LIMD1: variants seen among roughly 807,000 people sequenced by gnomAD.
LIMD1 encodes LIM domain containing 1.
A neutral mutation model predicts 58.4 loss-of-function variants in LIMD1; 23 were observed. The observed-to-expected ratio is 0.39, with a 90% CI of 0.28 to 0.56. The LOEUF is 0.56. LIMD1 is among the 20% of genes least tolerant of loss of function. The pLI is 0.57. For synonymous variants in LIMD1, 334 were observed against 345.5 expected, an observed-to-expected ratio of 0.97 and a Z score of 0.37; for missense variants, 838 against 855.5, an observed-to-expected ratio of 0.98 and a Z score of 0.25.
chr3:45,646,394 G>T (rs1257670803), intron 2 of LIMD1, among the ~76,000 whole-genome samples: 2 of 152,328 alleles, frequency 1.3e-5, no homozygotes, highest in Admixed American at 6.5e-5. Flanking sequence ...GGATTGTGAT[G>T]AAGTTAGCTG....
intron 2 of LIMD1, among the ~76,000 whole-genome samples, chr3:45,641,046 G>A (rs1701836322): frequency 6.6e-6 from 1 of 152,152 alleles, no homozygotes; most frequent in Non-Finnish European, 1.5e-5. Context: ...TCAGCAGAAG[G>A]AGGCACCCGG....
rs77584451 is a variant in LIMD1, at chr3:45,621,117, T to C, written c.1409-15033T>C. Among the ~76,000 whole-genome samples the C allele has an allele frequency of 1.2e-3, 176 of 152,302 alleles. 1 individual carries two copies. Among genetic ancestry groups the C allele is most frequent in the African/African-American group, 3.9e-3 (162 of 41,566 alleles). The stretch of plus-strand genomic sequence containing the variant: ...TACCAAGGTCAAGAAAGACAAAGAC[T>C]GAGGAGCTGTCCCAGGTTAAAGGAG... On this transcript the variant is annotated intron_variant, in intron 1 of 7. Transcript: ENST00000273317.
intron 2 of LIMD1, among the ~76,000 whole-genome samples, chr3:45,663,605 A>AG (rs1433381050): frequency 1.3e-5 from 2 of 152,178 alleles, no homozygotes; most frequent in Non-Finnish European, 2.9e-5. Context: ...GTTATTCCTA[A>AG]GGTATAACAG....
chr3:45,638,071 G>A (rs1181960720), intron 2 of LIMD1, among the ~76,000 whole-genome samples: 1 of 151,888 alleles, frequency 6.6e-6, no homozygotes, highest in Non-Finnish European at 1.5e-5. Context: ...CTGGTGAGGT[G>A]CAGTTGATGA....
chr3:45,640,388 T>C (rs1254451237), intron 2 of LIMD1, among the ~76,000 whole-genome samples: 1 of 152,148 alleles, frequency 6.6e-6, no homozygotes, highest in African/African-American at 2.4e-5. Flanking sequence ...TTCTCCTGAA[T>C]TTGGTGCACT....
chr3:45,669,449 G>T (rs1189073578), intron 4 of LIMD1, among the ~76,000 whole-genome samples: 1 of 152,110 alleles, frequency 6.6e-6, no homozygotes, highest in Non-Finnish European at 1.5e-5. Flanking sequence ...AACTCATAGA[G>T]TAAAAGATAC....
chr3:45,639,731 C>T (rs1200868610), intron 2 of LIMD1, among the ~76,000 whole-genome samples: 10 of 152,182 alleles, frequency 6.6e-5, no homozygotes, highest in South Asian at 2.1e-4. Context: ...GGCGCAGTCT[C>T]GGCTTACCGC....
intron 2 of LIMD1, among the ~76,000 whole-genome samples, chr3:45,647,097 T>C (rs1387567122): frequency 6.6e-6 from 1 of 152,220 alleles, no homozygotes; most frequent in Non-Finnish European, 1.5e-5. Context: ...GAAAATCACC[T>C]ATAATTCAAT....
At chr3:45,665,175 A>G (rs768964762) in intron 2 of LIMD1, among the ~76,000 whole-genome samples, 1 of 152,026 alleles carries the variant, frequency 6.6e-6, no homozygotes, top group Non-Finnish European at 1.5e-5. Context: ...TGAGAAAAAG[A>G]TAGGAAAATA....
intron 1 of LIMD1, among the ~76,000 whole-genome samples, chr3:45,598,479 G>A (rs1229642603): frequency 6.6e-6 from 1 of 152,156 alleles, no homozygotes; most frequent in African/African-American, 2.4e-5. Flanking sequence ...ATTAGCTGAC[G>A]CTACTCATCC....
intron 6 of LIMD1, 31 bp from the exon 7 acceptor site, chr3:45,674,312 C>T (rs1287894553): frequency 7.5e-6 from 12 of 1,603,842 alleles, no homozygotes; most frequent in Admixed American, 5.0e-5. Flanking sequence ...ACAGGCCTCT[C>T]CTATGTGTTC....
At chr3:45,661,752 T>G (rs985754780) in intron 2 of LIMD1, among the ~76,000 whole-genome samples, 9 of 152,054 alleles carry the variant, frequency 5.9e-5, no homozygotes, top group Non-Finnish European at 7.4e-5. Flanking sequence ...AAGCATAGGG[T>G]TTTTTGTTGT....
At chr3:45,622,755 G>A (rs769573820) in intron 1 of LIMD1, among the ~76,000 whole-genome samples, 5 of 150,296 alleles carry the variant, frequency 3.3e-5, no homozygotes, top group African/African-American at 7.4e-5. Context: ...TGCAACCTCC[G>A]CCTCCCAGGT....
intron 2 of LIMD1, among the ~76,000 whole-genome samples, chr3:45,651,764 C>G (rs1701976192): frequency 6.6e-6 from 1 of 152,006 alleles, no homozygotes; most frequent in Non-Finnish European, 1.5e-5. Context: ...TTCCAAGTAG[C>G]TGGGATTACA....
Position 45,594,800 on chromosome 3 carries a change from C to CACACACACACACACACACGGCACCTGG in LIMD1, c.-62_-61insGGCACCTGGACACACACACACACACAC, listed in dbSNP as rs1559510594. The CACACACACACACACACACGGCACCTGG allele has an allele frequency of 5.8e-5, 9 of 154,258 alleles. No individual in the cohort carries two copies. Among genetic ancestry groups the CACACACACACACACACACGGCACCTGG allele is most frequent in the African/African-American group, 2.8e-4 (7 of 25,180 alleles). 9.6% of individuals were successfully genotyped at this position (154,258 alleles called of 1,614,324 possible). A position where few individuals can be genotyped will look rare whatever the true frequency, so the allele number is the denominator to read the frequency against. ...CTCAACACACACACACACACACACA[C>CACACACACACACACACACGGCACCTGG]ACACACACACACACACACACACACA... On this transcript the variant is annotated 5_prime_UTR_variant, in exon 1 of 8. Coordinates refer to ENST00000273317, the MANE Select transcript of LIMD1 (RefSeq NM_014240.3).
In LIMD1 at chr3:45,595,593, GTCT is replaced by G; in HGVS notation, c.718_720del (p.Ser240del). 1 of 1,614,136 alleles carries G rather than the reference GTCT, an allele frequency of 6.2e-7. No individual in the cohort carries two copies. The highest frequency in any genetic ancestry group is 8.5e-7 in the Non-Finnish European group (1 of 1,180,030). On this transcript the variant is annotated inframe_deletion, in exon 1 of 8. Transcript: ENST00000273317. The stretch of plus-strand genomic sequence containing the variant: ...GACAGCTCTCCCTGAGCTCCAGCAG[GTCT>G]TCTGAGGGTAGCCTCGGTGGTCAGA...
Position 45,594,879 on chromosome 3 carries a change from C to T in LIMD1, c.-1C>T. ...GCTAGGCCCGGACACCTGTCTGCAG[C>T]ATGGATAAGTATGACGACCTGGGCC... On this transcript the variant is annotated 5_prime_UTR_variant, in exon 1 of 8. Coordinates refer to ENST00000273317, the MANE Select transcript of LIMD1 (RefSeq NM_014240.3). The T allele has an allele frequency of 6.2e-7, 1 of 1,601,952 alleles. No homozygotes were observed. Among genetic ancestry groups the T allele is most frequent in the Non-Finnish European group, 8.5e-7 (1 of 1,175,122 alleles).
At chr3:45,629,393 A>G (rs1701704281) in intron 1 of LIMD1, among the ~76,000 whole-genome samples, 1 of 147,496 alleles carries the variant, frequency 6.8e-6, no homozygotes, top group South Asian at 2.2e-4. Context: ...AGCCTGGGTG[A>G]CAAAGAAGAC....
At chr3:45,614,768 G>GTTTT (rs34868046) in intron 1 of LIMD1, among the ~76,000 whole-genome samples, 28 of 137,522 alleles carry the variant, frequency 2.0e-4, no homozygotes, top group African/African-American at 3.0e-4. Context: ...ATTCCTGGGT[G>GTTTT]TTTTTTTTTT....
Sources: gnomAD v4.1 joint callset for allele counts (sites outside exome capture counted in the v4.1 genomes callset) on GRCh38, gnomAD v4.1.1 for gene constraint, MANE v1.5 for transcripts, NCBI Gene and HGNC (gene_info 2026-07-23, HGNC 2026-07-21) for gene names.